Variants in NHSL1 observed in about 807,000 individuals in gnomAD.
The protein encoded by NHSL1 is NHS-like protein 1.
In NHSL1, 48 loss-of-function variants were observed where a neutral mutation model predicts 95.0. The observed-to-expected ratio is 0.51, with a 90% confidence interval of 0.40 to 0.64. The LOEUF (loss-of-function observed/expected upper bound fraction) is 0.64. Among genes scored for constraint, NHSL1 ranks in the 30% least tolerant of loss-of-function variants. The probability of loss-of-function intolerance (pLI) is 0.00; values close to 1 mark genes in which losing one functional copy is unlikely to be tolerated. For missense variants in NHSL1, 1,971 were observed against 2,077.7 expected (o/e 0.95, Z 1.00); for synonymous variants, 783 against 833.9 (o/e 0.94, Z 1.05).
intron 1 of NHSL1, among the ~76,000 whole-genome samples, chr6:138,608,153 G>A (rs1217337438): frequency 6.6e-6 from 1 of 152,224 alleles, no homozygotes; most frequent in African/African-American, 2.4e-5. Context: ...TTTAGCTCGC[G>A]AGAGGATAAA....
At position 138,452,434 on chromosome 6, in the gene NHSL1, AGATT is replaced by A. The variant is rs1451485607; in HGVS notation, c.340-5245_340-5242del. On this transcript the variant is annotated intron_variant, in intron 3 of 7. Transcript: ENST00000343505. ...AAAAGTGGGATTAACTAAGAAACAC[AGATT>A]AATTCAGTCTTTTTTGTTTTGATTT... 3.3e-5 allele frequency among the ~76,000 whole-genome samples: 5 copies of A among 151,900 alleles called. No homozygotes were observed. In the East Asian group the frequency reaches 9.6e-4, roughly 29 times the overall value.
chr6:138,573,613 A>C (rs1244010312), upstream of NHSL1, among the ~76,000 whole-genome samples: 3 of 152,240 alleles, frequency 2.0e-5, no homozygotes, highest in Non-Finnish European at 2.9e-5. Flanking sequence ...TAAGATAGGC[A>C]GTTCATATTA....
intron 3 of NHSL1, among the ~76,000 whole-genome samples, chr6:138,471,373 ACAGAAGTC>A (rs375485233): frequency 6.6e-6 from 1 of 152,116 alleles, no homozygotes; most frequent in African/African-American, 2.4e-5. Context: ...ATCTGAATAA[ACAGAAGTC>A]CTACTCTGTA....
At chr6:138,450,390 T>C (rs1280249267) in intron 3 of NHSL1, among the ~76,000 whole-genome samples, 7 of 152,158 alleles carry the variant, frequency 4.6e-5, no homozygotes, top group Non-Finnish European at 1.0e-4. Context: ...AAGAAGCAAA[T>C]CCTAACCAGA....
In NHSL1 at chr6:138,432,859, G is replaced by C. The variant is rs1175115909; in HGVS notation, c.1486C>G (p.Leu496Val). 2 of 1,551,542 alleles carry C rather than the reference G, an allele frequency of 1.3e-6. No individual in the cohort carries two copies. The highest frequency in any genetic ancestry group is 1.7e-6 in the Non-Finnish European group (2 of 1,146,856). The change falls in exon 6 of 8, where the codon CTC (leucine) becomes GTC (valine). Residue 496 changes from leucine (L) to valine (V), a missense_variant. Physicochemically the swap from Leu to Val is conservative, Grantham distance 32. Around this residue, in one of 3 missense-constraint regions of NHSL1, gnomAD observed 1,602 missense variants for 1,654.5 expected, o/e 0.97. Transcript: ENST00000343505. The surrounding 1 kb of genome is among the most constrained non-coding windows in gnomAD (Gnocchi z 4.4). Reference sequence around the variant, plus strand: ...TTTAGAGGGACGGCTGAGTCACAGAGGGACAACAGTGCGGGTTCACCAGGG... The same window carrying C: ...TTTAGAGGGACGGCTGAGTCACAGACGGACAACAGTGCGGGTTCACCAGGG... ...HSPGEPALLS[L>V]CDSAVPLNAP...
chr6:138,590,468 C>A (rs184719046), intron 1 of NHSL1, among the ~76,000 whole-genome samples: 1 of 152,150 alleles, frequency 6.6e-6, no homozygotes, highest in Non-Finnish European at 1.5e-5. Flanking sequence ...AGCCCCTGCC[C>A]CTCTTCCCTC....
intron 1 of NHSL1, among the ~76,000 whole-genome samples, chr6:138,617,328 C>T (rs1238781946): frequency 6.6e-6 from 1 of 152,104 alleles, no homozygotes; most frequent in Non-Finnish European, 1.5e-5. Flanking sequence ...TGCCATTGCT[C>T]CTGTTTGCTA....
At chr6:138,507,423 C>T (rs1404618140) in intron 1 of NHSL1, among the ~76,000 whole-genome samples, 3 of 152,070 alleles carry the variant, frequency 2.0e-5, no homozygotes, top group Non-Finnish European at 2.9e-5. Flanking sequence ...TGGGAATGTG[C>T]CAGATTAGAA....
intron 1 of NHSL1, chr6:138,650,455 G>A (rs1487498023): frequency 5.3e-6 from 6 of 1,131,664 alleles, no homozygotes; most frequent in Non-Finnish European, 6.6e-6. Flanking sequence ...CATTTGGTGT[G>A]GCTCCGGATG....
At chr6:138,455,478 A>ACATGCTCCCTGCAAGGAGCCCCGCCTTCG (rs1777529879) in intron 3 of NHSL1, among the ~76,000 whole-genome samples, 3 of 25,554 alleles carry the variant, frequency 1.2e-4, no homozygotes, top group Non-Finnish European at 3.2e-4. Flanking sequence ...CCCCGCCTTC[A>ACATGCTCCCTGCAAGGAGCCCCGCCTTCG]CATGCTCCCT....
chr6:138,526,105 A>AG (rs1562349194), intron 1 of NHSL1, among the ~76,000 whole-genome samples: 2 of 152,088 alleles, frequency 1.3e-5, no homozygotes, highest in East Asian at 1.9e-4. Context: ...AAAAAAAAAA[A>AG]AAAGAAAATA....
intron 1 of NHSL1, among the ~76,000 whole-genome samples, chr6:138,606,361 T>C (rs147916822): frequency 2.0e-5 from 3 of 152,368 alleles, no homozygotes; most frequent in East Asian, 1.9e-4. Context: ...AACAAAATGA[T>C]ACTAAGCCCC....
intron 1 of NHSL1, among the ~76,000 whole-genome samples, chr6:138,513,778 G>A (rs557803101): frequency 3.9e-5 from 6 of 152,010 alleles, no homozygotes; most frequent in East Asian, 3.9e-4. Context: ...CACTTTCATC[G>A]AAACCTATAC....
intron 2 of NHSL1, among the ~76,000 whole-genome samples, chr6:138,485,446 TAA>T (rs768633258): frequency 0.017 from 1,916 of 115,492 alleles, 32 homozygotes; most frequent in East Asian, 0.061. Flanking sequence ...TGCTTACCGT[TAA>T]AAAAAAAAAA....
rs1401168237 is a variant in NHSL1 at position 138,433,466 on chromosome 6, G to A, written c.879C>T (p.His293=). The A allele has an allele frequency of 3.9e-6, 6 of 1,552,296 alleles. No individual in the cohort carries two copies. The highest frequency in any genetic ancestry group is 8.7e-7 in the Non-Finnish European group (1 of 1,147,132). ...ACATGTTGCCAGAGGAACCTGAGAA[G>A]TGGCCCATCTGGGCAGCAATGCCTT... ...KGQGIAAQMG[H]FSGSSGNMSV... The change falls in exon 6 of 8, where the codon CAC becomes CAT. Residue 293 remains histidine (H), a synonymous_variant. Coordinates refer to ENST00000343505, the MANE Select transcript of NHSL1 (RefSeq NM_001144060.2).
chr6:138,627,902 T>TA (rs1562396231), intron 1 of NHSL1, among the ~76,000 whole-genome samples: 1 of 151,912 alleles, frequency 6.6e-6, no homozygotes, highest in Non-Finnish European at 1.5e-5. Flanking sequence ...AAAAAAAATT[T>TA]AAAAAATTTA....
chr6:138,691,243 G>A (rs566926525), intron 1 of NHSL1, among the ~76,000 whole-genome samples: 2 of 152,142 alleles, frequency 1.3e-5, no homozygotes, highest in East Asian at 3.9e-4. Context: ...TTTTCTTGGA[G>A]GGGGACGCTC....
chr6:138,431,396 G>A lies in NHSL1; in HGVS notation c.2949C>T (p.Cys983=), dbSNP rs577715767. 16 of 1,549,804 alleles carry A rather than the reference G, an allele frequency of 1.0e-5. No individual in the cohort carries two copies. Among genetic ancestry groups the A allele is most frequent in the African/African-American group, 1.4e-5 (1 of 73,068 alleles). ...GAGAAAGGCACCAATCAGGTGGGGAGCAGAAAGGAATGAGAGCTTCTGGCG... is the reference window on the plus strand; with the variant it reads ...GAGAAAGGCACCAATCAGGTGGGGAACAGAAAGGAATGAGAGCTTCTGGCG... The part of the protein sequence containing the change: ...PPPPEALIPF[C]SPPDWCLSPP... The change falls in exon 6 of 8, where the codon TGC becomes TGT. Residue 983 remains cysteine, a synonymous_variant. Transcript: ENST00000343505. The surrounding 1 kb of genome is among the most constrained non-coding windows in gnomAD (Gnocchi z 4.0).
rs189602239 is a variant in NHSL1 at position 138,443,348 on chromosome 6, T to C, written c.533-1234A>G. On this transcript the variant is annotated intron_variant, in intron 4 of 7. Transcript: ENST00000343505. ...TGTCGCTAATGGAGAAAAACAGAAA[T>C]GACTGAGAGAAGACCCTTGAATACC... Among the ~76,000 whole-genome samples the C allele has an allele frequency of 3.2e-3, 487 of 152,152 alleles. 5 individuals carry two copies. The highest frequency in any genetic ancestry group is 4.0e-3 in the Non-Finnish European group (273 of 68,006).
Sources: gnomAD v4.1 joint callset for allele counts (sites outside exome capture counted in the v4.1 genomes callset) on GRCh38, gnomAD v4.1.1 for gene constraint, gnomAD v4.1.1 regional missense constraint, Gnocchi (gnomAD v3.1) non-coding constraint, MANE v1.5 for transcripts, NCBI Gene and HGNC (gene_info 2026-07-23, HGNC 2026-07-21) for gene names.